Variants in SLC2A14 observed in about 807,000 individuals in gnomAD.
SLC2A14 encodes the protein solute carrier family 2, facilitated glucose transporter member 14.
SLC2A14 carries 13 observed loss-of-function variants against 43.0 expected under a neutral mutation model. The ratio of observed to expected loss-of-function variants is 0.30; its 90% CI spans 0.20 to 0.48. SLC2A14 has a LOEUF of 0.48. SLC2A14 is among the 20% of genes least tolerant of loss of function. The probability of loss-of-function intolerance (pLI) is 0.99; values close to 1 mark genes in which losing one functional copy is unlikely to be tolerated. For missense variants in SLC2A14, 428 were observed against 620.4 expected (o/e 0.69, Z 3.29); for synonymous variants, 190 against 233.8 (o/e 0.81, Z 1.71).
At chr12:7,865,128 A>T (rs1944836436) in intron 2 of SLC2A14, among the ~76,000 whole-genome samples, 3 of 152,178 alleles carry the variant, frequency 2.0e-5, no homozygotes, top group African/African-American at 7.2e-5. Flanking sequence ...GTAATATTTC[A>T]AACATTTCGT....
chr12:7,818,404 T>C (rs1863657571), intron 9 of SLC2A14, among the ~76,000 whole-genome samples: 2 of 152,220 alleles, frequency 1.3e-5, no homozygotes, highest in African/African-American at 4.8e-5. Flanking sequence ...CTCACGCCTA[T>C]AGTCCCAGCA....
chr12:7,888,808 A>AAAC (rs906740930), intron 1 of SLC2A14, among the ~76,000 whole-genome samples: 5 of 147,464 alleles, frequency 3.4e-5, no homozygotes, highest in African/African-American at 1.2e-4. Context: ...AAAAAAAAAA[A>AAAC]AAAAAAAGAA....
In SLC2A14 at chr12:7,829,996, T is replaced by C. The variant is rs1306407756; in HGVS notation, c.283A>G (p.Met95Val). ...GCAGCCAACAGGTTGACAATCAGCA[T>C]TGAATTGCGCCTGTAAGGTTAATCA... is the stretch of plus-strand genomic sequence containing the variant. ...FVNRFGRRNS[M>V]LIVNLLAATG... The change falls in exon 5 of 11, where the codon ATG becomes GTG. Residue 95 changes from methionine to valine, a missense_variant. Around this residue, in one of 4 missense-constraint regions of SLC2A14, gnomAD observed 122 missense variants for 128.8 expected, o/e 0.95. Transcript: ENST00000431042. 21 of 1,614,094 alleles carry C rather than the reference T, an allele frequency of 1.3e-5. No homozygotes were observed. Among genetic ancestry groups the C allele is most frequent in the South Asian group, 1.1e-5 (1 of 91,092 alleles).
At chr12:7,823,250 G>C (rs939052893) in intron 7 of SLC2A14, among the ~76,000 whole-genome samples, 5 of 152,032 alleles carry the variant, frequency 3.3e-5, no homozygotes, top group Non-Finnish European at 7.4e-5. Flanking sequence ...GGGTGTGGTG[G>C]TGGGTACCTA....
At chr12:7,877,222 T>C (rs1945478579), upstream of SLC2A14, among the ~76,000 whole-genome samples, 1 of 152,060 alleles carries the variant, frequency 6.6e-6, no homozygotes, top group Non-Finnish European at 1.5e-5. Flanking sequence ...GGTCTTGAAC[T>C]CCTGACCTCA....
chr12:7,831,979 A>G (rs548242553), intron 3 of SLC2A14, among the ~76,000 whole-genome samples: 3 of 152,300 alleles, frequency 2.0e-5, no homozygotes, highest in African/African-American at 7.2e-5. Flanking sequence ...GTGGTGGCGC[A>G]TGCCTGTAAT....
chr12:7,833,917 C>A (rs1324530156), intron 2 of SLC2A14, among the ~76,000 whole-genome samples: 3 of 152,116 alleles, frequency 2.0e-5, no homozygotes, highest in African/African-American at 7.2e-5. Flanking sequence ...ATTTCTATAC[C>A]TGAAGCCATC....
chr12:7,879,342 A>G (rs1945527005), intron 1 of SLC2A14, among the ~76,000 whole-genome samples: 1 of 151,710 alleles, frequency 6.6e-6, no homozygotes, highest in African/African-American at 2.4e-5. Context: ...AAAAAAAACA[A>G]AAGTTGCACC....
At chr12:7,889,530 A>G in intron 1 of SLC2A14, among the ~76,000 whole-genome samples, 1 of 128,228 alleles carries the variant, frequency 7.8e-6, no homozygotes, top group Non-Finnish European at 1.7e-5. Context: ...ACCGTGCCTG[A>G]CCTGGTTCCC....
intron 2 of SLC2A14, among the ~76,000 whole-genome samples, chr12:7,845,820 G>C (rs979738050): frequency 2.7e-5 from 4 of 149,424 alleles, no homozygotes; most frequent in African/African-American, 9.9e-5. Flanking sequence ...GGCCAGGCGT[G>C]GTGGCTCACG....
upstream of SLC2A14, chr12:7,873,170 C>G (rs1945335859): frequency 1.0e-6 from 1 of 985,832 alleles, no homozygotes; most frequent in Non-Finnish European, 1.2e-6. Flanking sequence ...CGGGGGAACT[C>G]TTTACGGGGA....
chr12:7,882,140 G>C (rs753196835), intron 1 of SLC2A14, among the ~76,000 whole-genome samples: 1 of 152,078 alleles, frequency 6.6e-6, no homozygotes, highest in East Asian at 1.9e-4. Flanking sequence ...CTCAGTTTTT[G>C]GGTCTGCACT....
At chr12:7,874,840 C>CATATTTATATATAAATTATATATAAAT (rs1565584827), upstream of SLC2A14, among the ~76,000 whole-genome samples, 1 of 75,448 alleles carries the variant, frequency 1.3e-5, no homozygotes, top group African/African-American at 4.2e-5. Context: ...TATATAAATA[C>CATATTTATATATAAATTATATATAAAT]GTATTTATAT....
Position 7,826,832 on chromosome 12 carries a change from T to TC in SLC2A14, c.864+662dup, listed in dbSNP as rs1405047341. Among the ~76,000 whole-genome samples the TC allele has an allele frequency of 6.5e-4, 22 of 34,004 alleles. No homozygotes were observed. In the South Asian group the frequency reaches 7.3e-3, roughly 11 times the overall value. 22.3% of individuals were successfully genotyped at this position (34,004 alleles called of 152,430 possible). ...GCTCGCTCTTTTTTCTTTCTTTCTT[T>TC]CTTTCCTTCCTTCCTTCCTTCCTTT... On this transcript the variant is annotated intron_variant, in intron 7 of 10. Transcript: ENST00000431042.
chr12:7,837,553 C>G (rs1865552997), intron 2 of SLC2A14, among the ~76,000 whole-genome samples: 1 of 144,370 alleles, frequency 6.9e-6, no homozygotes, highest in African/African-American at 2.6e-5. Flanking sequence ...GCAAGAGAAT[C>G]TCTTGAACCT....
At chr12:7,882,914 C>G (rs896611300) in intron 1 of SLC2A14, among the ~76,000 whole-genome samples, 2 of 151,324 alleles carry the variant, frequency 1.3e-5, no homozygotes, top group African/African-American at 4.9e-5. Flanking sequence ...GACTAAGACT[C>G]TTAAATGCTC....
At chr12:7,842,644 C>G (rs1487399275) in intron 2 of SLC2A14, among the ~76,000 whole-genome samples, 1 of 151,922 alleles carries the variant, frequency 6.6e-6, no homozygotes, top group Non-Finnish European at 1.5e-5. Flanking sequence ...GCTACCACCC[C>G]CCTCCCCCCA....
intron 2 of SLC2A14, among the ~76,000 whole-genome samples, chr12:7,836,328 C>T (rs1253039668): frequency 6.6e-6 from 1 of 151,594 alleles, no homozygotes. Flanking sequence ...TCAAGCAGTT[C>T]TCCTGCCTCA....
intron 2 of SLC2A14, among the ~76,000 whole-genome samples, chr12:7,845,810 G>T (rs1028722145): frequency 7.0e-6 from 1 of 142,074 alleles, no homozygotes; most frequent in Non-Finnish European, 1.5e-5. Context: ...GCAAACTCAA[G>T]GCCAGGCGTG....
Sources: gnomAD v4.1 joint callset for allele counts (sites outside exome capture counted in the v4.1 genomes callset) on GRCh38, gnomAD v4.1.1 for gene constraint, gnomAD v4.1.1 regional missense constraint, MANE v1.5 for transcripts, NCBI Gene and HGNC (gene_info 2026-07-23, HGNC 2026-07-21) for gene names.